The following MDN1 variants were observed in gnomAD, a reference collection of about 807,000 sequenced individuals.
MDN1 encodes the protein midasin AAA ATPase 1, also known as midasin.
A neutral mutation model predicts 669.2 loss-of-function variants in MDN1; 266 were observed. The ratio of observed to expected loss-of-function variants is 0.40; its 90% CI spans 0.36 to 0.44. The LOEUF (loss-of-function observed/expected upper bound fraction) is 0.44. MDN1 is among the 20% of genes least tolerant of loss of function. MDN1 has a pLI of 1.00. For missense variants in MDN1, 5,940 were observed against 6,754.0 expected, an observed-to-expected ratio of 0.88 and a Z score of 4.22; for synonymous variants, 2,385 against 2,457.1, an observed-to-expected ratio of 0.97 and a Z score of 0.87.
intron 92 of MDN1, 128 bp downstream of exon 92, chr6:89,655,636 A>C: frequency 1.2e-6 from 1 of 853,798 alleles, no homozygotes; most frequent in Non-Finnish European, 1.8e-6. Flanking sequence ...TTGATCATTA[A>C]ACATTGTATA....
intron 1 of MDN1, among the ~76,000 whole-genome samples, chr6:89,819,077 C>T (rs1769072768): frequency 6.6e-6 from 1 of 152,206 alleles, no homozygotes; most frequent in South Asian, 2.1e-4. Flanking sequence ...TCCTTACGCA[C>T]AGCAGGAATG....
intron 59 of MDN1, among the ~76,000 whole-genome samples, chr6:89,697,641 G>A (rs1812858336): frequency 6.6e-6 from 1 of 151,652 alleles, no homozygotes; most frequent in African/African-American, 2.4e-5. Flanking sequence ...GAGTGCAATG[G>A]CACGATCTTG....
chr6:89,680,562 A>G (rs1811539859), intron 74 of MDN1, 27 bp downstream of exon 74: 1 of 1,604,132 alleles, frequency 6.2e-7, no homozygotes. Flanking sequence ...AGAAAGATCC[A>G]CCCTTGACTT....
chr6:89,684,657 G>A (rs953945676), intron 71 of MDN1, among the ~76,000 whole-genome samples: 1 of 152,288 alleles, frequency 6.6e-6, no homozygotes, highest in South Asian at 2.1e-4. Flanking sequence ...CCTCTGAGGA[G>A]GCTCTGACTG....
intron 9 of MDN1, 114 bp downstream of exon 9, chr6:89,784,898 A>G: frequency 1.4e-6 from 1 of 697,594 alleles, no homozygotes. Flanking sequence ...ATACTAGCAC[A>G]CAGACTGCAA....
chr6:89,727,577 C>T (rs1011921942), intron 37 of MDN1, among the ~76,000 whole-genome samples: 2 of 152,116 alleles, frequency 1.3e-5, no homozygotes, highest in Non-Finnish European at 2.9e-5. Context: ...AAACTAGTGA[C>T]GATGCAGTTT....
At chr6:89,644,849 T>A (rs544265194) in intron 101 of MDN1, among the ~76,000 whole-genome samples, 166 bp downstream of exon 101, 4 of 152,280 alleles carry the variant, frequency 2.6e-5, no homozygotes, top group Admixed American at 2.6e-4. Flanking sequence ...TTGCAAAGAT[T>A]AATAGAGAAA....
At chr6:89,670,139 CATATATATAT>C (rs1168606501) in intron 83 of MDN1, among the ~76,000 whole-genome samples, 29 of 48,980 alleles carry the variant, frequency 5.9e-4, no homozygotes, top group East Asian at 3.5e-3. Context: ...TCCAAAAAAA[CATATATATAT>C]ATATATATAT....
rs201599316 is a variant in MDN1, at chr6:89,683,198, C to T, written c.12036G>A (p.Leu4012=). 2 of 1,614,136 alleles carry T rather than the reference C, an allele frequency of 1.2e-6. No homozygotes were observed. The highest frequency in any genetic ancestry group is 2.2e-5 in the East Asian group (1 of 44,868). The change falls in exon 73 of 102, where the codon CTG becomes CTA. Residue 4012 remains leucine, a synonymous_variant. Transcript: ENST00000369393. ...PRPTDGAASE[L]SSIQNLNRAL... ...CCCTGTTCAGATTCTGAATGGAAGA[C>T]AGTTCACTTGCAGCTCCATCTGTTG...
In MDN1 at chr6:89,661,716, A is replaced by G. The variant is rs1809781076; in HGVS notation, c.14566-138T>C. ...CTATTCCCTAAAATTATCTGCACACATTAGTATTTTATTTTTAGACCTTTC... is the reference window on the plus strand; with the variant it reads ...CTATTCCCTAAAATTATCTGCACACGTTAGTATTTTATTTTTAGACCTTTC... On this transcript the variant is annotated intron_variant, in intron 87 of 101. Transcript: ENST00000369393. The G allele has an allele frequency of 1.0e-5, 9 of 870,528 alleles. No individual in the cohort carries two copies. In the East Asian group the frequency reaches 1.7e-4, roughly 16 times the overall value. 53.9% of individuals were successfully genotyped at this position (870,528 alleles called of 1,614,324 possible).
intron 83 of MDN1, 65 bp downstream of exon 83, chr6:89,670,854 G>C (rs931071446): frequency 6.5e-7 from 1 of 1,530,916 alleles, no homozygotes; most frequent in African/African-American, 1.4e-5. Context: ...TCACACCAAA[G>C]ACTAATGACA....
chr6:89,708,661 A>G (rs1288731853), intron 50 of MDN1, 33 bp from the exon 51 acceptor site: 1 of 1,602,422 alleles, frequency 6.2e-7, no homozygotes, highest in Non-Finnish European at 8.5e-7. Flanking sequence ...CAAAAATCAG[A>G]AATATTGGAG....
In MDN1 at chr6:89,723,628, C is replaced by G. The variant is rs1269450946; in HGVS notation, c.5671-9G>C. The G allele has an allele frequency of 6.8e-7, 1 of 1,471,736 alleles. No homozygotes were observed. The highest frequency in any genetic ancestry group is 2.3e-5 in the East Asian group (1 of 42,752). The allele number at this position is 1,471,736 out of a possible 1,614,324, so 91.2% of individuals were successfully genotyped here. A position where few individuals can be genotyped will look rare whatever the true frequency, so the allele number is the denominator to read the frequency against. ...AGGGGATCAACGAAGACCTAGAAAT[C>G]CAAAAATAATATGAAGAAATGCCTT... On this transcript the variant is annotated splice_polypyrimidine_tract_variant and intron_variant, in intron 38 of 101. Transcript: ENST00000369393.
At chr6:89,733,058 T>C (rs563516391) in intron 33 of MDN1, among the ~76,000 whole-genome samples, 5 of 152,330 alleles carry the variant, frequency 3.3e-5, no homozygotes, top group East Asian at 1.9e-4. Context: ...CAAAGAAATA[T>C]TCATTTGATT....
At chr6:89,732,864 A>AG in intron 33 of MDN1, 89 bp from the exon 34 acceptor site, 1 of 1,152,082 alleles carries the variant, frequency 8.7e-7, no homozygotes, top group South Asian at 1.4e-5. Context: ...ATGGCCTAAA[A>AG]GGGGTCTCTG....
At position 89,803,565 on chromosome 6, in the gene MDN1, CA is replaced by C. The variant is rs1357153416; in HGVS notation, c.103-12del. On this transcript the variant is annotated splice_polypyrimidine_tract_variant and intron_variant, in intron 1 of 101. Coordinates refer to ENST00000369393, the MANE Select transcript of MDN1 (RefSeq NM_014611.3). Reference sequence around the variant, plus strand: ...TTGAGGTGTCCACACCTGAGAAAGGCAAAACAAAACATCTTTCACTTTTTTT... The same window carrying C: ...TTGAGGTGTCCACACCTGAGAAAGGCAAACAAAACATCTTTCACTTTTTTT... 1 of 1,545,998 alleles carries C rather than the reference CA, an allele frequency of 6.5e-7. No individual in the cohort carries two copies. Among genetic ancestry groups the C allele is most frequent in the South Asian group, 1.2e-5 (1 of 85,546 alleles).
intron 80 of MDN1, 48 bp downstream of exon 80, chr6:89,673,188 T>G (rs1810948460): frequency 6.8e-7 from 1 of 1,461,946 alleles, no homozygotes; most frequent in African/African-American, 1.4e-5. Context: ...CTATAAGACA[T>G]CATTTCTACA....
At position 89,712,059 on chromosome 6, in the gene MDN1, G is replaced by A. The variant is rs1361803935; in HGVS notation, c.7628C>T (p.Ala2543Val). The change falls in exon 49 of 102, where the codon GCC becomes GTC. Residue 2543 changes from alanine to valine, a missense_variant. Physicochemically the swap from Ala to Val is moderately conservative, Grantham distance 64. Transcript: ENST00000369393. Reference sequence around the variant, plus strand: ...ACCAAGCCCCTGCGGTATATTCTTGGCTAAATGATAAAGCCATTTAACTCT... The same window carrying A: ...ACCAAGCCCCTGCGGTATATTCTTGACTAAATGATAAAGCCATTTAACTCT... ...MLRVKWLYHLAKNIPQGLESI... is the reference protein window; with the variant it reads ...MLRVKWLYHLVKNIPQGLESI... 1 of 1,613,866 alleles carries A rather than the reference G, an allele frequency of 6.2e-7. No individual in the cohort carries two copies. Among genetic ancestry groups the A allele is most frequent in the African/African-American group, 1.3e-5 (1 of 74,912 alleles).
intron 97 of MDN1, among the ~76,000 whole-genome samples, chr6:89,649,524 T>C (rs1239732983): frequency 2.0e-5 from 3 of 152,244 alleles, no homozygotes; most frequent in Non-Finnish European, 1.5e-5. Context: ...TAAGTAATTC[T>C]ATTAAGGCTC....
Sources: gnomAD v4.1 joint callset for allele counts (sites outside exome capture counted in the v4.1 genomes callset) on GRCh38, gnomAD v4.1.1 for gene constraint, MANE v1.5 for transcripts, NCBI Gene and HGNC (gene_info 2026-07-23, HGNC 2026-07-21) for gene names.